PXDC1: variants seen among roughly 807,000 people sequenced by gnomAD.
PXDC1 encodes the protein PX domain-containing protein 1.
PXDC1 carries 13 observed loss-of-function variants against 24.4 expected under a neutral mutation model. The observed-to-expected ratio is 0.53, with a 90% CI of 0.35 to 0.85. The LOEUF is 0.85. Among genes scored for constraint, PXDC1 ranks in the 40% least tolerant of loss-of-function variants. The pLI is 0.01. For synonymous variants in PXDC1, 162 were observed against 124.9 expected, an observed-to-expected ratio of 1.30 and a Z score of -1.98; for missense variants, 344 against 309.3, an observed-to-expected ratio of 1.11 and a Z score of -0.84.
chr6:3,748,179 T>C (rs1760610739), intron 1 of PXDC1, among the ~76,000 whole-genome samples: 3 of 152,122 alleles, frequency 2.0e-5, no homozygotes, highest in African/African-American at 7.2e-5. Context: ...CAGAGGGGAC[T>C]GAAATGAAAG....
chr6:3,733,181 G>A (rs557380086), intron 3 of PXDC1, among the ~76,000 whole-genome samples: 21 of 152,216 alleles, frequency 1.4e-4, no homozygotes, highest in African/African-American at 4.8e-4. Context: ...CTCAGTCCTC[G>A]GGTTCATATC....
intron 1 of PXDC1, 50 bp downstream of exon 1, chr6:3,751,226 C>A (rs1252627986): frequency 1.8e-5 from 24 of 1,369,532 alleles, no homozygotes; most frequent in Non-Finnish European, 2.3e-5. Flanking sequence ...CCTTCGTGCA[C>A]TTCAAGGCTG....
Position 3,745,675 on chromosome 6 carries a change from C to A in PXDC1, c.256+5601G>T, listed in dbSNP as rs145441849. Among the ~76,000 whole-genome samples the A allele has an allele frequency of 5.3e-5, 8 of 152,224 alleles. No homozygotes were observed. In the East Asian group the frequency reaches 1.5e-3, roughly 29 times the overall value. On this transcript the variant is annotated intron_variant, in intron 1 of 4. Transcript: ENST00000380283. ...CTGAGCTGTGTCCCAGGTGGTTGAC[C>A]CCCAAGCTGACCCCTCCTACCATGA... is the stretch of plus-strand genomic sequence containing the variant.
intron 1 of PXDC1, among the ~76,000 whole-genome samples, chr6:3,750,845 C>A (rs1413050194): frequency 6.6e-6 from 1 of 152,170 alleles, no homozygotes; most frequent in Non-Finnish European, 1.5e-5. Flanking sequence ...CGACCCCCGG[C>A]TCGGACCCTG....
rs1433590389 is a variant in PXDC1, at chr6:3,725,242, C to A, written c.579-1506G>T. On this transcript the variant is annotated intron_variant, in intron 4 of 4. Coordinates refer to ENST00000380283, the MANE Select transcript of PXDC1 (RefSeq NM_183373.4). This position sits in a 1 kb window ranked among gnomAD's most constrained non-coding sequence, Gnocchi z 4.8. Reference sequence around the variant, plus strand: ...TCCCACCACCTGCCCGTCCTCCCTGCCCAGATCACAGGATGACCCTGAGGA... The same window carrying A: ...TCCCACCACCTGCCCGTCCTCCCTGACCAGATCACAGGATGACCCTGAGGA... Among the ~76,000 whole-genome samples, 1 of 152,154 alleles carries A rather than the reference C, an allele frequency of 6.6e-6. No individual in the cohort carries two copies. The highest frequency in any genetic ancestry group is 1.5e-5 in the Non-Finnish European group (1 of 68,012).
At chr6:3,751,239 T>TCGGCCCCGCGCCCCTCCCGCGTCCC (rs1031429284) in intron 1 of PXDC1, 37 bp downstream of exon 1, 4 of 1,409,540 alleles carry the variant, frequency 2.8e-6, no homozygotes, top group Non-Finnish European at 3.7e-6. Flanking sequence ...CAAGGCTGCC[T>TCGGCCCCGCGCCCCTCCCGCGTCCC]CGGCCCCGCG....
intron 1 of PXDC1, among the ~76,000 whole-genome samples, chr6:3,748,555 C>T (rs138293580): frequency 6.6e-6 from 1 of 152,280 alleles, no homozygotes; most frequent in Non-Finnish European, 1.5e-5. Context: ...CCAAGCACCA[C>T]TCCACAGTGT....
intron 3 of PXDC1, among the ~76,000 whole-genome samples, chr6:3,735,804 G>A (rs978058172): frequency 6.6e-6 from 1 of 152,152 alleles, no homozygotes; most frequent in African/African-American, 2.4e-5. Context: ...TAATGGAAAT[G>A]CTAAATACTC....
intron 3 of PXDC1, among the ~76,000 whole-genome samples, chr6:3,729,508 A>G (rs1418120492): frequency 6.6e-6 from 1 of 152,142 alleles, no homozygotes; most frequent in Non-Finnish European, 1.5e-5. Flanking sequence ...GCAGGTCCTG[A>G]GAAGGAGCTC....
At chr6:3,727,514 A>C in intron 4 of PXDC1, 37 bp downstream of exon 4, 1 of 1,447,086 alleles carries the variant, frequency 6.9e-7, no homozygotes, top group African/African-American at 1.4e-5. Flanking sequence ...ATGGCTCAGG[A>C]CAGTCTATGA....
At position 3,751,477 on chromosome 6, in the gene PXDC1, A is replaced by G; in HGVS notation, c.55T>C (p.Cys19Arg). ...TSLVNMFVRG[C>R]WVNGIRRLIV... ...AGCCTGCGGATGCCGTTCACCCAGCAGCCGCGCACGAACATGTTCACGAGC... is the reference window on the plus strand; with the variant it reads ...AGCCTGCGGATGCCGTTCACCCAGCGGCCGCGCACGAACATGTTCACGAGC... The change falls in exon 1 of 5, where the codon TGC (cysteine) becomes CGC (arginine). Residue 19 changes from cysteine to arginine, a missense_variant. Transcript: ENST00000380283. 6.2e-7 allele frequency: 1 copy of G among 1,604,500 alleles called. No homozygotes were observed.
chr6:3,750,903 C>T (rs924546156), intron 1 of PXDC1, among the ~76,000 whole-genome samples: 8 of 152,070 alleles, frequency 5.3e-5, no homozygotes, highest in Non-Finnish European at 8.8e-5. Context: ...CCCGCCGGCC[C>T]TCGGGAGGTA....
intron 1 of PXDC1, among the ~76,000 whole-genome samples, chr6:3,745,224 G>A (rs1014150031): frequency 2.0e-5 from 3 of 152,228 alleles, no homozygotes; most frequent in African/African-American, 4.8e-5. Flanking sequence ...AGAAGAGGGC[G>A]GGCACATGAG....
chr6:3,747,428 C>G (rs1581253007), intron 1 of PXDC1, among the ~76,000 whole-genome samples: 1 of 152,178 alleles, frequency 6.6e-6, no homozygotes, highest in African/African-American at 2.4e-5. Context: ...AGAGCCCTCT[C>G]TGAATAAAAG....
chr6:3,725,036 C>CT lies in PXDC1; in HGVS notation c.579-1301dup, dbSNP rs1321704276. Among the ~76,000 whole-genome samples the CT allele has an allele frequency of 6.6e-6, 1 of 152,122 alleles. No individual in the cohort carries two copies. The highest frequency in any genetic ancestry group is 1.9e-4 in the East Asian group (1 of 5,168). ...GACAGAGGCCGCGGCACAAAGAGCC[C>CT]TAGCTGTGGGTGGGAAAGCTATGGG... On this transcript the variant is annotated intron_variant, in intron 4 of 4. Coordinates refer to ENST00000380283, the MANE Select transcript of PXDC1 (RefSeq NM_183373.4). The surrounding 1 kb of genome is among the most constrained non-coding windows in gnomAD (Gnocchi z 4.8).
At position 3,723,800 on chromosome 6, in the gene PXDC1, C is replaced by T. The variant is rs958314188; in HGVS notation, c.579-64G>A. The T allele has an allele frequency of 6.5e-5, 85 of 1,299,452 alleles. No homozygotes were observed. In the South Asian group the frequency reaches 7.8e-4, roughly 12 times the overall value. 80.5% of individuals were successfully genotyped at this position (1,299,452 alleles called of 1,614,324 possible). A position where few individuals can be genotyped will look rare whatever the true frequency, so the allele number is the denominator to read the frequency against. ...GTTGGGATCAACACCAAACACCCGCCGGGACCATGAGCATGACTTTCAATG... is the reference window on the plus strand; with the variant it reads ...GTTGGGATCAACACCAAACACCCGCTGGGACCATGAGCATGACTTTCAATG... On this transcript the variant is annotated intron_variant, in intron 4 of 4. Transcript: ENST00000380283.
chr6:3,743,850 G>T (rs1311661243), intron 1 of PXDC1, among the ~76,000 whole-genome samples: 1 of 152,192 alleles, frequency 6.6e-6, no homozygotes, highest in Non-Finnish European at 1.5e-5. Flanking sequence ...CCCAGCGGCT[G>T]GTCCACAGCC....
Position 3,737,702 on chromosome 6 carries a change from C to T in PXDC1, c.348+355G>A. On this transcript the variant is annotated intron_variant, in intron 2 of 4. Transcript: ENST00000380283. This position sits in a 1 kb window ranked among gnomAD's most constrained non-coding sequence, Gnocchi z 5.5. ...TCTTCTTGGTTTCCACGTGTCTGTT[C>T]TAAAATCCCCTCAGCAAGACGGTGG... The T allele has an allele frequency of 1.0e-6, 1 of 985,392 alleles. No homozygotes were observed. 61.0% of individuals were successfully genotyped at this position (985,392 alleles called of 1,614,324 possible).
intron 3 of PXDC1, 94 bp from the exon 4 acceptor site, chr6:3,727,756 C>A (rs1760101051): frequency 2.6e-6 from 2 of 775,996 alleles, no homozygotes. Context: ...GCTTTCTCCT[C>A]CACCTGTTGC....
Sources: allele counts gnomAD v4.1 joint callset (sites outside exome capture counted in the v4.1 genomes callset), GRCh38; gene constraint gnomAD v4.1.1; non-coding constraint Gnocchi (gnomAD v3.1); transcripts MANE v1.5; gene names NCBI Gene and HGNC (gene_info 2026-07-23, HGNC 2026-07-21).